The following QKI variants were observed in gnomAD, a reference collection of about 807,000 sequenced individuals.
The protein encoded by QKI is KH domain-containing RNA-binding protein QKI.
In QKI, 10 loss-of-function variants were observed where a neutral mutation model predicts 39.0. The observed-to-expected ratio is 0.26, with a 90% CI of 0.16 to 0.43. The LOEUF (loss-of-function observed/expected upper bound fraction) is 0.43. Among genes scored for constraint, QKI ranks in the 20% least tolerant of loss-of-function variants. The pLI is 1.00. For missense variants in QKI, 218 were observed against 428.0 expected (o/e 0.51, Z 4.33); for synonymous variants, 204 against 155.4 (o/e 1.31, Z -2.33).
chr6:163,450,725 C>T (rs774025800), intron 1 of QKI, among the ~76,000 whole-genome samples: 3 of 150,776 alleles, frequency 2.0e-5, no homozygotes, highest in African/African-American at 4.9e-5. Context: ...TAGTTTTCAG[C>T]GTAGTGAAAT....
chr6:163,562,589 TTG>T (rs1486361413), intron 5 of QKI, among the ~76,000 whole-genome samples: 3 of 152,202 alleles, frequency 2.0e-5, no homozygotes, highest in Non-Finnish European at 2.9e-5. Context: ...CGTCCTATTT[TTG>T]TTTTTATGCG....
At chr6:163,555,083 A>G (rs1782500746) in intron 4 of QKI, among the ~76,000 whole-genome samples, 1 of 152,044 alleles carries the variant, frequency 6.6e-6, no homozygotes, top group South Asian at 2.1e-4. Flanking sequence ...CTTTTCTCTG[A>G]TATTTGTTAT....
intron 3 of QKI, among the ~76,000 whole-genome samples, chr6:163,489,405 C>G (rs896097564): frequency 7.0e-6 from 1 of 142,788 alleles, no homozygotes; most frequent in African/African-American, 2.6e-5. Context: ...CTGTTAAAGG[C>G]ACTTTCAAAG....
At chr6:163,479,304 A>G (rs949207495) in intron 3 of QKI, among the ~76,000 whole-genome samples, 2 of 152,132 alleles carry the variant, frequency 1.3e-5, no homozygotes, top group Admixed American at 6.5e-5. Flanking sequence ...CAAACCCACT[A>G]TGTTCCATGT....
At chr6:163,417,766 C>T (rs1359560997) in intron 1 of QKI, among the ~76,000 whole-genome samples, 1 of 152,132 alleles carries the variant, frequency 6.6e-6, no homozygotes, top group African/African-American at 2.4e-5. Context: ...CTTGTCAATT[C>T]CCCAGTGTAA....
intron 3 of QKI, among the ~76,000 whole-genome samples, chr6:163,519,836 T>G (rs563145790): frequency 6.6e-6 from 1 of 152,142 alleles, no homozygotes; most frequent in Non-Finnish European, 1.5e-5. Context: ...TTGTTTAATA[T>G]CTCAGAAAAT....
At position 163,424,614 on chromosome 6, in the gene QKI, A is replaced by G. The variant is rs530777437; in HGVS notation, c.142+9279A>G. Among the ~76,000 whole-genome samples the G allele has an allele frequency of 1.1e-4, 16 of 152,146 alleles. No individual in the cohort carries two copies. In the South Asian group the frequency reaches 1.5e-3, roughly 14 times the overall value. Reference sequence around the variant, plus strand: ...TTCAGAAGAGCCTCTCATACTATAAAGTAGCAGCATCACTGCTTGGTTTTT... The same window carrying G: ...TTCAGAAGAGCCTCTCATACTATAAGGTAGCAGCATCACTGCTTGGTTTTT... On this transcript the variant is annotated intron_variant, in intron 1 of 7. Transcript: ENST00000361752.
At chr6:163,442,888 T>C (rs1789863523) in intron 1 of QKI, among the ~76,000 whole-genome samples, 1 of 152,218 alleles carries the variant, frequency 6.6e-6, no homozygotes, top group Admixed American at 6.5e-5. Context: ...AGTTATACTT[T>C]TACAATCTCA....
In QKI at chr6:163,578,035, T is replaced by C. The variant is rs1407323541; in HGVS notation, c.*7325T>C. 1 of 152,150 alleles carries C rather than the reference T, an allele frequency of 6.6e-6. No homozygotes were observed. Among genetic ancestry groups the C allele is most frequent in the African/African-American group, 2.4e-5 (1 of 41,434 alleles). 9.4% of individuals were successfully genotyped at this position (152,150 alleles called of 1,614,324 possible). ...GGCATCATATCTTCCCCAAAAAATGTTTATTAAAATTAGATTATTCCAGTT... is the reference window on the plus strand; with the variant it reads ...GGCATCATATCTTCCCCAAAAAATGCTTATTAAAATTAGATTATTCCAGTT... On this transcript the variant is annotated 3_prime_UTR_variant, in exon 8 of 8. Coordinates refer to ENST00000361752, the MANE Select transcript of QKI (RefSeq NM_006775.3).
At chr6:163,494,648 T>TG (rs901349512) in intron 3 of QKI, among the ~76,000 whole-genome samples, 2 of 134,178 alleles carry the variant, frequency 1.5e-5, no homozygotes, top group Admixed American at 1.6e-4. Context: ...TGTCACGTTT[T>TG]GGGTTTTTTT....
At chr6:163,480,898 A>C (rs6936927) in intron 3 of QKI, among the ~76,000 whole-genome samples, 11,989 of 152,274 alleles carry the variant, frequency 0.079, 533 homozygotes, top group Middle Eastern at 0.12. Context: ...CAGCCAGTTA[A>C]CAAAACCCCT....
At chr6:163,566,668 TCCCCCC>T in intron 6 of QKI, 47 bp from the exon 7 acceptor site, 1 of 1,599,986 alleles carries the variant, frequency 6.3e-7, no homozygotes, top group Non-Finnish European at 8.5e-7. Flanking sequence ...TAATGTTTTT[TCCCCCC>T]TTGTGAATGT....
At position 163,436,891 on chromosome 6, in the gene QKI, T is replaced by TC. The variant is rs1375633017; in HGVS notation, c.143-18386dup. Among the ~76,000 whole-genome samples, 3 of 152,212 alleles carry TC rather than the reference T, an allele frequency of 2.0e-5. No individual in the cohort carries two copies. The East Asian group carries it at 5.8e-4, about 29-fold the overall frequency. ...TTGTATATTTTTCATTGAAAGTAGT[T>TC]CCATCTAAATTAAGAGCCTGACTTT... On this transcript the variant is annotated intron_variant, in intron 1 of 7. Coordinates refer to ENST00000361752, the MANE Select transcript of QKI (RefSeq NM_006775.3).
intron 1 of QKI, among the ~76,000 whole-genome samples, chr6:163,445,399 A>G (rs1391637735): frequency 9.2e-6 from 1 of 108,974 alleles, no homozygotes; most frequent in African/African-American, 4.3e-5. Flanking sequence ...TGTATTTAGT[A>G]GTGATGTCTG....
intron 3 of QKI, among the ~76,000 whole-genome samples, chr6:163,509,523 A>G (rs1179447990): frequency 2.0e-5 from 3 of 151,830 alleles, no homozygotes; most frequent in Non-Finnish European, 4.4e-5. Flanking sequence ...TGATTCTTGT[A>G]TGTGTACACG....
intron 4 of QKI, among the ~76,000 whole-genome samples, chr6:163,546,991 G>C (rs537785794): frequency 3.3e-4 from 50 of 152,118 alleles, no homozygotes; most frequent in African/African-American, 1.2e-3. Context: ...ATTTATCAAA[G>C]TATCTTTAGT....
chr6:163,466,840 C>A (rs575014924), intron 2 of QKI, among the ~76,000 whole-genome samples: 1 of 151,718 alleles, frequency 6.6e-6, no homozygotes. Context: ...GATATTACAC[C>A]CAAAAAACAC....
Position 163,572,374 on chromosome 6 carries a change from C to T in QKI, c.*1664C>T, listed in dbSNP as rs902917459. The T allele has an allele frequency of 6.6e-6, 1 of 152,006 alleles. No homozygotes were observed. Among genetic ancestry groups the T allele is most frequent in the African/African-American group, 2.4e-5 (1 of 41,392 alleles). 9.4% of individuals were successfully genotyped at this position (152,006 alleles called of 1,614,324 possible). On this transcript the variant is annotated 3_prime_UTR_variant, in exon 8 of 8. Transcript: ENST00000361752. Reference sequence around the variant, plus strand: ...TCTAGAAAACAATGTTTTAAATCACCCAAATTTAATCACATGTCTTTATAT... The same window carrying T: ...TCTAGAAAACAATGTTTTAAATCACTCAAATTTAATCACATGTCTTTATAT...
intron 3 of QKI, among the ~76,000 whole-genome samples, chr6:163,485,636 C>CT (rs1440867973): frequency 1.3e-5 from 2 of 152,180 alleles, no homozygotes; most frequent in East Asian, 3.9e-4. Context: ...TTCTCACCTC[C>CT]TTTTTCTGTC....
Sources: allele counts gnomAD v4.1 joint callset (sites outside exome capture counted in the v4.1 genomes callset), GRCh38; gene constraint gnomAD v4.1.1; transcripts MANE v1.5; gene names NCBI Gene and HGNC (gene_info 2026-07-23, HGNC 2026-07-21).